CNTNAP2: variants seen among roughly 807,000 people sequenced by gnomAD.
CNTNAP2 encodes contactin-associated protein-like 2.
A neutral mutation model predicts 155.2 loss-of-function variants in CNTNAP2; 98 were observed. That is an observed-to-expected ratio of 0.63 (90% CI 0.54 to 0.75). The LOEUF (loss-of-function observed/expected upper bound fraction) is 0.75. Among genes scored for constraint, CNTNAP2 ranks in the 30% least tolerant of loss-of-function variants. The pLI is 0.00. For synonymous variants in CNTNAP2, 651 were observed against 631.2 expected (o/e 1.03, Z -0.47); for missense variants, 1,727 against 1,688.1 (o/e 1.02, Z -0.40).
At chr7:146,227,343 T>G (rs1446094213) in intron 1 of CNTNAP2, among the ~76,000 whole-genome samples, 2 of 149,092 alleles carry the variant, frequency 1.3e-5, no homozygotes, top group Non-Finnish European at 3.0e-5. Flanking sequence ...CAGAATTGCT[T>G]GAACCCAGGA....
intron 3 of CNTNAP2, among the ~76,000 whole-genome samples, chr7:147,027,833 A>G (rs545241229): frequency 2.0e-5 from 3 of 152,356 alleles, no homozygotes; most frequent in African/African-American, 7.2e-5. Context: ...CATGGACATG[A>G]CAGAGATTCT....
intron 4 of CNTNAP2, among the ~76,000 whole-genome samples, chr7:147,085,116 G>C (rs1356214835): frequency 6.6e-6 from 1 of 151,998 alleles, no homozygotes; most frequent in Admixed American, 6.6e-5. Flanking sequence ...ATGTCTTTTG[G>C]TTTGAGAAAA....
At chr7:146,779,946 T>C (rs889709044) in intron 2 of CNTNAP2, among the ~76,000 whole-genome samples, 1 of 152,208 alleles carries the variant, frequency 6.6e-6, no homozygotes, top group Non-Finnish European at 1.5e-5. Context: ...TTTCTACGTG[T>C]ATCTCAAAGA....
intron 9 of CNTNAP2, among the ~76,000 whole-genome samples, chr7:147,306,141 T>C (rs1430725772): frequency 6.6e-6 from 1 of 152,210 alleles, no homozygotes; most frequent in Non-Finnish European, 1.5e-5. Flanking sequence ...CTTCAGTGTA[T>C]CTTTTTGGAG....
intron 1 of CNTNAP2, among the ~76,000 whole-genome samples, chr7:146,163,106 C>A (rs753266355): frequency 2.6e-5 from 4 of 151,752 alleles, no homozygotes; most frequent in African/African-American, 4.8e-5. Context: ...TTTACACATA[C>A]GTAACAAACC....
At chr7:148,011,752 T>G (rs923112170) in intron 15 of CNTNAP2, among the ~76,000 whole-genome samples, 4 of 152,226 alleles carry the variant, frequency 2.6e-5, no homozygotes, top group Non-Finnish European at 4.4e-5. Flanking sequence ...ACTCAAACTG[T>G]AGACCTCTGT....
rs570994533 is a variant in CNTNAP2 at position 148,219,325 on chromosome 7, T to A, written c.3247+1801T>A. ...ACTCACTTCCCATTGGAGCCGAAAATATGGAGACTCTCTCTCCCACTGCCC... is the reference window on the plus strand; with the variant it reads ...ACTCACTTCCCATTGGAGCCGAAAAAATGGAGACTCTCTCTCCCACTGCCC... On this transcript the variant is annotated intron_variant, in intron 19 of 23. Transcript: ENST00000361727. Among the ~76,000 whole-genome samples, 405 of 152,194 alleles carry A rather than the reference T, an allele frequency of 2.7e-3. 2 individuals carry two copies. Among genetic ancestry groups the A allele is most frequent in the Non-Finnish European group, 3.8e-3 (260 of 68,002 alleles).
intron 14 of CNTNAP2, among the ~76,000 whole-genome samples, chr7:147,939,187 C>G (rs1002225038): frequency 4.6e-5 from 7 of 151,828 alleles, no homozygotes; most frequent in African/African-American, 1.7e-4. Context: ...TAAATATGTA[C>G]CAGAAACCTA....
At chr7:146,925,010 A>C (rs10278504) in intron 3 of CNTNAP2, among the ~76,000 whole-genome samples, 1,662 of 152,224 alleles carry the variant, frequency 0.011, 33 homozygotes, top group African/African-American at 0.039. Context: ...ACCTTTAAAA[A>C]TCATAAGAAT....
At chr7:146,331,992 C>A (rs1465430060) in intron 1 of CNTNAP2, among the ~76,000 whole-genome samples, 1 of 151,868 alleles carries the variant, frequency 6.6e-6, no homozygotes, top group Non-Finnish European at 1.5e-5. Flanking sequence ...TCTTTAAATT[C>A]TCAGTTATTT....
intron 15 of CNTNAP2, among the ~76,000 whole-genome samples, chr7:148,106,493 G>GAGAGAGATAT (rs1554472856): frequency 1.6e-5 from 2 of 124,926 alleles, no homozygotes; most frequent in African/African-American, 6.9e-5. Context: ...CACACTTTGA[G>GAGAGAGATAT]ATATATATAT....
At chr7:146,338,128 CAGAG>C (rs1373239294) in intron 1 of CNTNAP2, among the ~76,000 whole-genome samples, 1 of 152,044 alleles carries the variant, frequency 6.6e-6, no homozygotes, top group African/African-American at 2.4e-5. Context: ...CTGGGGGAGA[CAGAG>C]AGAAACTGTG....
chr7:146,780,011 A>C (rs1802455291), intron 2 of CNTNAP2, among the ~76,000 whole-genome samples: 1 of 152,210 alleles, frequency 6.6e-6, no homozygotes, highest in Non-Finnish European at 1.5e-5. Context: ...AGAATGATTT[A>C]TAATCCTTTG....
chr7:146,419,057 T>A (rs1329165678), intron 1 of CNTNAP2, among the ~76,000 whole-genome samples: 1 of 152,144 alleles, frequency 6.6e-6, no homozygotes, highest in Non-Finnish European at 1.5e-5. Context: ...GATTGGGGTA[T>A]GCCTTTATTT....
At chr7:147,868,078 TTG>T (rs142167753) in intron 13 of CNTNAP2, among the ~76,000 whole-genome samples, 28,525 of 152,062 alleles carry the variant, frequency 0.19, 2,776 homozygotes, top group South Asian at 0.29. Flanking sequence ...CTCCCCATCT[TTG>T]TGGTTTTATC....
Position 146,279,895 on chromosome 7 carries a change from A to G in CNTNAP2, c.97+162922A>G, listed in dbSNP as rs1800223490. On this transcript the variant is annotated intron_variant, in intron 1 of 23. Transcript: ENST00000361727. ...ATCTAAAACAAACTTAAAAAAATAT[A>G]TAATGTAGAAAAAAGTACTATATAC... is the stretch of plus-strand genomic sequence containing the variant. 9.9e-5 allele frequency among the ~76,000 whole-genome samples: 15 copies of G among 151,942 alleles called. 2 individuals carry two copies. The South Asian group carries it at 2.9e-3, about 29-fold the overall frequency.
chr7:146,754,468 C>T (rs1456555768), intron 1 of CNTNAP2, among the ~76,000 whole-genome samples: 5 of 151,852 alleles, frequency 3.3e-5, no homozygotes, highest in Non-Finnish European at 5.9e-5. Context: ...TACCATTGAA[C>T]CTGTACACAC....
chr7:146,916,620 G>C (rs1225152348), intron 3 of CNTNAP2, among the ~76,000 whole-genome samples: 1 of 152,076 alleles, frequency 6.6e-6, no homozygotes, highest in Non-Finnish European at 1.5e-5. Context: ...TGCATGTAAA[G>C]ATTTTCAGGG....
chr7:146,573,224 C>T (rs535654572), intron 1 of CNTNAP2, among the ~76,000 whole-genome samples: 67 of 152,226 alleles, frequency 4.4e-4, no homozygotes, highest in African/African-American at 1.6e-3. Context: ...CTCACTGCAG[C>T]CTCTGCCTCC....
Sources: allele counts gnomAD v4.1 joint callset (sites outside exome capture counted in the v4.1 genomes callset), GRCh38; gene constraint gnomAD v4.1.1; transcripts MANE v1.5; gene names NCBI Gene and HGNC (gene_info 2026-07-23, HGNC 2026-07-21).